The following RBMS3 variants were observed in gnomAD, a reference collection of about 807,000 sequenced individuals.
RBMS3 encodes the protein RNA-binding motif, single-stranded-interacting protein 3.
In RBMS3, 27 loss-of-function variants were observed where a neutral mutation model predicts 66.8. The ratio of observed to expected loss-of-function variants is 0.40; its 90% confidence interval spans 0.30 to 0.56. RBMS3 has a LOEUF of 0.56. Among genes scored for constraint, RBMS3 ranks in the 20% least tolerant of loss-of-function variants. RBMS3 has a pLI of 0.40. For synonymous variants in RBMS3, 188 were observed against 183.0 expected, an observed-to-expected ratio of 1.03 and a Z score of -0.22; for missense variants, 513 against 549.5, an observed-to-expected ratio of 0.93 and a Z score of 0.66.
chr3:29,496,340 C>G (rs977238193), intron 3 of RBMS3, among the ~76,000 whole-genome samples: 1 of 152,014 alleles, frequency 6.6e-6, no homozygotes, highest in Non-Finnish European at 1.5e-5. Flanking sequence ...ATTAAGTTTA[C>G]CACCAGTCAT....
At chr3:29,676,934 T>C (rs1381523253) in intron 4 of RBMS3, among the ~76,000 whole-genome samples, 2 of 151,900 alleles carry the variant, frequency 1.3e-5, no homozygotes, top group Non-Finnish European at 2.9e-5. Flanking sequence ...AGAAAAGAGG[T>C]TTAATTGGCA....
At chr3:29,548,869 A>G (rs2046074518) in intron 3 of RBMS3, among the ~76,000 whole-genome samples, 1 of 152,146 alleles carries the variant, frequency 6.6e-6, no homozygotes, top group Non-Finnish European at 1.5e-5. Flanking sequence ...AGCTTAAGAA[A>G]GAGAATTTTG....
At chr3:29,308,807 A>G (rs1170075602) in intron 1 of RBMS3, among the ~76,000 whole-genome samples, 2 of 151,208 alleles carry the variant, frequency 1.3e-5, no homozygotes, top group African/African-American at 4.8e-5. Context: ...TGTCAAAAAA[A>G]AAAAAAAAGA....
At chr3:29,426,823 G>A (rs1185206219) in intron 1 of RBMS3, among the ~76,000 whole-genome samples, 2 of 152,202 alleles carry the variant, frequency 1.3e-5, no homozygotes, top group African/African-American at 4.8e-5. Context: ...TGATGATAAT[G>A]ACAATGGTAA....
At chr3:29,719,234 G>A (rs985345116) in intron 4 of RBMS3, among the ~76,000 whole-genome samples, 1 of 152,148 alleles carries the variant, frequency 6.6e-6, no homozygotes, top group African/African-American at 2.4e-5. Flanking sequence ...CTTGTACGCT[G>A]TGAAAATGTT....
At chr3:29,702,163 C>T (rs1266334353) in intron 4 of RBMS3, among the ~76,000 whole-genome samples, 1 of 151,878 alleles carries the variant, frequency 6.6e-6, no homozygotes, top group Admixed American at 6.6e-5. Flanking sequence ...GTGTGTCTAG[C>T]TAATCTAGTG....
At chr3:29,319,205 A>G (rs139544004) in intron 1 of RBMS3, among the ~76,000 whole-genome samples, 74 of 152,116 alleles carry the variant, frequency 4.9e-4, no homozygotes, top group Non-Finnish European at 9.0e-4. Context: ...CTCATTTAAT[A>G]GCATTCCAGC....
intron 1 of RBMS3, among the ~76,000 whole-genome samples, chr3:29,282,896 CT>C (rs1375550210): frequency 6.6e-6 from 1 of 152,100 alleles, no homozygotes. Context: ...GGGAAGCAGA[CT>C]TTCAGTATTA....
intron 1 of RBMS3, among the ~76,000 whole-genome samples, chr3:29,390,557 A>T (rs896395135): frequency 6.6e-6 from 1 of 151,572 alleles, no homozygotes; most frequent in East Asian, 1.9e-4. Context: ...GTTTATTTAA[A>T]AAAAAAATGA....
chr3:29,485,727 A>G (rs2043296100), intron 2 of RBMS3, among the ~76,000 whole-genome samples: 1 of 152,222 alleles, frequency 6.6e-6, no homozygotes, highest in African/African-American at 2.4e-5. Flanking sequence ...AGATAAGTGA[A>G]TTGGATTTGT....
chr3:29,658,000 T>G (rs1159458390), intron 4 of RBMS3, among the ~76,000 whole-genome samples: 4 of 152,172 alleles, frequency 2.6e-5, no homozygotes, highest in Admixed American at 2.6e-4. Context: ...TTGTCTGTCT[T>G]TAGGCCGTAG....
chr3:29,548,239 A>C (rs2046042775), intron 3 of RBMS3, among the ~76,000 whole-genome samples: 1 of 152,114 alleles, frequency 6.6e-6, no homozygotes, highest in South Asian at 2.1e-4. Flanking sequence ...CAGCATGGAC[A>C]AAACAGTGAG....
intron 4 of RBMS3, among the ~76,000 whole-genome samples, chr3:29,625,285 CTTACCACAGTTA>C (rs999119796): frequency 1.3e-5 from 2 of 152,060 alleles, no homozygotes; most frequent in Non-Finnish European, 2.9e-5. Context: ...TGTGGCATTA[CTTACCACAGTTA>C]TTTTTTTATA....
chr3:29,734,282 C>T (rs1052952253), intron 4 of RBMS3, among the ~76,000 whole-genome samples: 3 of 151,952 alleles, frequency 2.0e-5, no homozygotes, highest in African/African-American at 7.2e-5. Flanking sequence ...CTTTTGATAA[C>T]CAGGTACAAA....
At chr3:29,832,958 G>A (rs2058412663) in intron 6 of RBMS3, among the ~76,000 whole-genome samples, 1 of 152,148 alleles carries the variant, frequency 6.6e-6, no homozygotes, top group Non-Finnish European at 1.5e-5. Flanking sequence ...CTGCAAGATT[G>A]AGAGAAGGCA....
rs188514723 is a variant in RBMS3, at chr3:29,702,327, T to C, written c.400-37393T>C. ...GAACTTTTGTGTCTAGCTCAGGGAT[T>C]GTAAACACACCAATCAGCACCCTGT... On this transcript the variant is annotated intron_variant, in intron 4 of 14. Coordinates refer to ENST00000383767, the MANE Select transcript of RBMS3 (RefSeq NM_001003793.3). Among the ~76,000 whole-genome samples the C allele has an allele frequency of 2.6e-5, 4 of 152,278 alleles. No individual in the cohort carries two copies. The East Asian group carries it at 7.7e-4, about 29-fold the overall frequency.
chr3:29,933,914 A>G (rs967801481), intron 10 of RBMS3: 7 of 152,102 alleles, frequency 4.6e-5, no homozygotes, highest in East Asian at 1.9e-4. Flanking sequence ...AGACCAGACA[A>G]TTCTTCCAAA....
At chr3:29,415,271 A>G (rs2040435380) in intron 1 of RBMS3, among the ~76,000 whole-genome samples, 1 of 152,222 alleles carries the variant, frequency 6.6e-6, no homozygotes, top group African/African-American at 2.4e-5. Flanking sequence ...AGTAATAGGT[A>G]CTCAGGCGTG....
rs943736997 is a variant in RBMS3, at chr3:29,618,421, G to A, written c.399+31216G>A. On this transcript the variant is annotated intron_variant, in intron 4 of 14. Coordinates refer to ENST00000383767, the MANE Select transcript of RBMS3 (RefSeq NM_001003793.3). ...CCCAGGAGGCTGAGGCAGAAGAATC[G>A]CTTGAACCCAGGAGGCAGAGGTTAG... is the stretch of plus-strand genomic sequence containing the variant. 2.4e-4 allele frequency among the ~76,000 whole-genome samples: 36 copies of A among 151,836 alleles called. 1 individual carries two copies. Among genetic ancestry groups the A allele is most frequent in the Non-Finnish European group, 5.9e-5 (4 of 67,984 alleles).
Sources: gnomAD v4.1 joint callset for allele counts (sites outside exome capture counted in the v4.1 genomes callset) on GRCh38, gnomAD v4.1.1 for gene constraint, MANE v1.5 for transcripts, NCBI Gene and HGNC (gene_info 2026-07-23, HGNC 2026-07-21) for gene names.